The following CERS5 variants were observed in gnomAD, a reference collection of about 807,000 sequenced individuals.
CERS5 encodes LAG1 homolog, ceramide synthase 5.
A neutral mutation model predicts 58.9 loss-of-function variants in CERS5; 37 were observed. The observed-to-expected ratio is 0.63, with a 90% CI of 0.48 to 0.83. The LOEUF (loss-of-function observed/expected upper bound fraction) is 0.83, where lower values mean the gene tolerates loss of function less well. Ranked by LOEUF, CERS5 falls within the 40% of genes least tolerant of loss-of-function variation. CERS5 has a pLI of 0.00. For synonymous variants in CERS5, 147 were observed against 177.8 expected (o/e 0.83, Z 1.38); for missense variants, 398 against 489.3 (o/e 0.81, Z 1.76).
intron 2 of CERS5, chr12:50,143,629 A>C (rs918947068): frequency 1.0e-5 from 3 of 301,084 alleles, no homozygotes; most frequent in African/African-American, 6.4e-5. Flanking sequence ...TACTGTCTCC[A>C]TCTCGATCAC....
chr12:50,159,141 G>A (rs1938985432), intron 1 of CERS5, among the ~76,000 whole-genome samples: 1 of 152,082 alleles, frequency 6.6e-6, no homozygotes, highest in Non-Finnish European at 1.5e-5. Flanking sequence ...CTAACACGGT[G>A]AAACCCCATC....
chr12:50,167,051 C>A (rs1398546568), intron 1 of CERS5, 50 bp downstream of exon 1: 3 of 1,379,864 alleles, frequency 2.2e-6, no homozygotes, highest in African/African-American at 3.1e-5. Context: ...CACAGCGGGG[C>A]GCCCCCGGCC....
intron 1 of CERS5, among the ~76,000 whole-genome samples, chr12:50,161,287 TC>T (rs1454734874): frequency 7.9e-5 from 12 of 152,138 alleles, no homozygotes; most frequent in Admixed American, 7.2e-4. Flanking sequence ...AGGCTACAGT[TC>T]TCTATAGGGA....
chr12:50,130,798 T>C, intron 9 of CERS5, 104 bp from the exon 10 acceptor site: 1 of 960,592 alleles, frequency 1.0e-6, no homozygotes, highest in Non-Finnish European at 1.5e-6. Flanking sequence ...TGGTCTGCTT[T>C]CTGATGACAT....
intron 4 of CERS5, 119 bp downstream of exon 4, chr12:50,141,934 C>T (rs547605245): frequency 3.5e-5 from 20 of 575,882 alleles, no homozygotes; most frequent in South Asian, 9.6e-5. Flanking sequence ...AGCAAGACTC[C>T]GTCTCAAAAA....
At chr12:50,133,846 G>C (rs1355745252) in intron 9 of CERS5, 1 of 770,292 alleles carries the variant, frequency 1.3e-6, no homozygotes, top group Non-Finnish European at 1.6e-6. Flanking sequence ...GGCCAAGGTG[G>C]GCAGATCACA....
chr12:50,143,123 G>A lies in CERS5; in HGVS notation c.385C>T (p.Arg129Trp), dbSNP rs1406234943. The A allele has an allele frequency of 7.4e-6, 12 of 1,613,752 alleles. No homozygotes were observed. The highest frequency in any genetic ancestry group is 2.2e-5 in the South Asian group (2 of 91,054). Reference sequence around the variant, plus strand: ...GTTGGGGGCTTGTCCTGATTCCTCCGATGGCGAAACCAGCATTGGATTTTT... The same window carrying A: ...GTTGGGGGCTTGTCCTGATTCCTCCAATGGCGAAACCAGCATTGGATTTTT... ...VRKIQCWFRH[R>W]RNQDKPPTLT... Residue 129 changes from arginine to tryptophan, a missense_variant, in exon 3 of 10, where the codon CGG (arginine) becomes TGG (tryptophan). Physicochemically the swap from Arg to Trp is moderately radical, Grantham distance 101. Around this residue, in one of 3 missense-constraint regions of CERS5, gnomAD observed 328 missense variants for 384.5 expected, o/e 0.85. Transcript: ENST00000317551.
intron 1 of CERS5, chr12:50,144,682 GA>G: frequency 2.9e-6 from 2 of 696,804 alleles, no homozygotes; most frequent in Non-Finnish European, 2.3e-6. Context: ...AGGAAGCTAG[GA>G]AAGGTGAGAA....
At position 50,137,586 on chromosome 12, in the gene CERS5, A is replaced by T. The variant is rs1951752576; in HGVS notation, c.636+142T>A. ...TTAATTCAGTCTCATTTCTGGGAAC[A>T]TTACGACAAGCTAAGAGTCCATCAA... On this transcript the variant is annotated intron_variant, in intron 6 of 9. Transcript: ENST00000317551. The T allele has an allele frequency of 5.4e-6, 3 of 556,880 alleles. No individual in the cohort carries two copies. In the East Asian group the frequency reaches 9.7e-5, roughly 18 times the overall value. The allele number at this position is 556,880 out of a possible 1,614,324, so 34.5% of individuals were successfully genotyped here.
At chr12:50,158,334 G>A (rs1266307370) in intron 1 of CERS5, among the ~76,000 whole-genome samples, 3 of 152,078 alleles carry the variant, frequency 2.0e-5, no homozygotes, top group Non-Finnish European at 4.4e-5. Flanking sequence ...TGATTTTGTT[G>A]CTCTCTCCAG....
At chr12:50,151,849 T>C (rs1592403878) in intron 1 of CERS5, among the ~76,000 whole-genome samples, 2 of 152,338 alleles carry the variant, frequency 1.3e-5, no homozygotes, top group South Asian at 4.1e-4. Context: ...TTCACCATGC[T>C]GGCCAGGCTG....
At position 50,135,697 on chromosome 12, in the gene CERS5, C is replaced by T; in HGVS notation, c.872+35G>A. 4.2e-6 allele frequency: 6 copies of T among 1,420,284 alleles called. No individual in the cohort carries two copies. In the Admixed American group the frequency reaches 8.4e-5, roughly 20 times the overall value. The allele number at this position is 1,420,284 out of a possible 1,614,324, so 88.0% of individuals were successfully genotyped here. On this transcript the variant is annotated intron_variant, in intron 8 of 9. Coordinates refer to ENST00000317551, the MANE Select transcript of CERS5 (RefSeq NM_147190.5). ...ATTGGCAAAAAGGTATCATTAGGCT[C>T]ATACCTACCACAACTCTACAGCCCT... is the stretch of plus-strand genomic sequence containing the variant.
At chr12:50,144,417 A>G (rs1952146239) in intron 1 of CERS5, 1 of 274,290 alleles carries the variant, frequency 3.6e-6, no homozygotes. Flanking sequence ...AAATGTGAGA[A>G]CCACTAATCT....
At chr12:50,138,486 C>A in intron 5 of CERS5, 81 bp downstream of exon 5, 2 of 1,131,242 alleles carry the variant, frequency 1.8e-6, no homozygotes. Context: ...CACCATCTGT[C>A]CTGGGGACTG....
At chr12:50,165,225 C>G (rs749889088) in intron 1 of CERS5, 2 of 152,138 alleles carry the variant, frequency 1.3e-5, no homozygotes, top group Admixed American at 6.6e-5. Flanking sequence ...CGAGACCTTC[C>G]TGGCTAAGAC....
intron 8 of CERS5, among the ~76,000 whole-genome samples, chr12:50,135,018 C>T (rs1168501279): frequency 6.6e-6 from 1 of 151,572 alleles, no homozygotes; most frequent in Non-Finnish European, 1.5e-5. Flanking sequence ...TGACTGAGCT[C>T]CTCAGGCACA....
intron 1 of CERS5, among the ~76,000 whole-genome samples, chr12:50,160,401 A>T (rs763129427): frequency 2.2e-4 from 34 of 152,152 alleles, no homozygotes; most frequent in Non-Finnish European, 3.2e-4. Context: ...CAGTTACATG[A>T]CAGGCCAGCG....
chr12:50,159,945 G>A (rs1407702378), intron 1 of CERS5, among the ~76,000 whole-genome samples: 1 of 152,148 alleles, frequency 6.6e-6, no homozygotes, highest in African/African-American at 2.4e-5. Context: ...AGAAACAAGT[G>A]AAATTAATGT....
At chr12:50,148,102 AG>A (rs1283347135) in intron 1 of CERS5, among the ~76,000 whole-genome samples, 5 of 151,792 alleles carry the variant, frequency 3.3e-5, no homozygotes, top group African/African-American at 1.2e-4. Flanking sequence ...CAGGAGTTTG[AG>A]ACCAGCCTGG....
Sources: allele counts gnomAD v4.1 joint callset (sites outside exome capture counted in the v4.1 genomes callset), GRCh38; gene constraint gnomAD v4.1.1; regional missense constraint gnomAD v4.1.1; transcripts MANE v1.5; gene names NCBI Gene and HGNC (gene_info 2026-07-23, HGNC 2026-07-21).